Variants in SULT4A1 observed in about 807,000 individuals in gnomAD.
The protein encoded by SULT4A1 is sulfotransferase 4A1.
Under a neutral mutation model 35.2 loss-of-function variants are expected in SULT4A1, and 11 were observed. That is an observed-to-expected ratio of 0.31 (90% CI 0.20 to 0.52). The LOEUF is 0.52. Ranked by LOEUF, SULT4A1 falls within the 20% of genes least tolerant of loss-of-function variation. The pLI is 0.97. For missense variants in SULT4A1, 271 were observed against 383.7 expected (o/e 0.71, Z 2.45); for synonymous variants, 152 against 151.8 (o/e 1.00, Z -0.01).
At chr22:43,843,388 C>A (rs1324604212) in intron 1 of SULT4A1, among the ~76,000 whole-genome samples, 1 of 152,244 alleles carries the variant, frequency 6.6e-6, no homozygotes, top group African/African-American at 2.4e-5. Context: ...CACCACTGCA[C>A]TCCAGCCTGG....
chr22:43,839,929 G>A lies in SULT4A1; in HGVS notation c.381+16C>T. On this transcript the variant is annotated intron_variant, in intron 3 of 6. Coordinates refer to ENST00000330884, the MANE Select transcript of SULT4A1 (RefSeq NM_014351.4). Reference sequence around the variant, plus strand: ...GTGGGGACTCATCTCGGGAGGCAGAGGAGGTGCCAGCTTACCTTGGAGTCT... The same window carrying A: ...GTGGGGACTCATCTCGGGAGGCAGAAGAGGTGCCAGCTTACCTTGGAGTCT... 6.3e-7 allele frequency: 1 copy of A among 1,598,766 alleles called. No individual in the cohort carries two copies. The highest frequency in any genetic ancestry group is 8.5e-7 in the Non-Finnish European group (1 of 1,172,570).
intron 1 of SULT4A1, among the ~76,000 whole-genome samples, chr22:43,844,425 G>A (rs12160050): frequency 6.6e-6 from 1 of 152,162 alleles, no homozygotes; most frequent in Non-Finnish European, 1.5e-5. Context: ...GAGACCTATG[G>A]ACCAATTCTC....
Position 43,862,513 on chromosome 22 carries a change from C to T in SULT4A1, c.-131G>A. The stretch of plus-strand genomic sequence containing the variant: ...CGCGGCGGCAGCTCCGCAGGCGTGA[C>T]GTCATGGCGCCGCCGACGCGCGGCG... On this transcript the variant is annotated 5_prime_UTR_variant, in exon 1 of 7. Coordinates refer to ENST00000330884, the MANE Select transcript of SULT4A1 (RefSeq NM_014351.4). 1.2e-6 allele frequency: 1 copy of T among 847,424 alleles called. No individual in the cohort carries two copies. Among genetic ancestry groups the T allele is most frequent in the Non-Finnish European group, 1.4e-6 (1 of 706,806 alleles). 52.5% of individuals were successfully genotyped at this position (847,424 alleles called of 1,614,324 possible).
intron 6 of SULT4A1, chr22:43,826,710 G>A: frequency 1.0e-6 from 1 of 985,470 alleles, no homozygotes; most frequent in Non-Finnish European, 1.2e-6. Context: ...ATTTCAAGAA[G>A]CCTGCCCTGG....
chr22:43,827,782 C>CACAT, intron 6 of SULT4A1: 1 of 437,040 alleles, frequency 2.3e-6, no homozygotes, highest in Non-Finnish European at 4.2e-6. Context: ...CACACACACA[C>CACAT]GTGAACCAAA....
At chr22:43,855,162 C>T (rs2049388916) in intron 1 of SULT4A1, among the ~76,000 whole-genome samples, 1 of 152,330 alleles carries the variant, frequency 6.6e-6, no homozygotes, top group East Asian at 1.9e-4. Flanking sequence ...CCGGGGCTGG[C>T]ACCACCCAAA....
chr22:43,845,954 G>A (rs981930536), intron 1 of SULT4A1, among the ~76,000 whole-genome samples: 2 of 152,144 alleles, frequency 1.3e-5, no homozygotes, highest in African/African-American at 4.8e-5. Context: ...ACCACTCCCT[G>A]GTGCCAAAAA....
At chr22:43,828,904 C>A in intron 6 of SULT4A1, 156 bp downstream of exon 6, 1 of 794,264 alleles carries the variant, frequency 1.3e-6, no homozygotes, top group East Asian at 3.0e-5. Flanking sequence ...CCATGGGCAC[C>A]AGCTAACAGA....
intron 1 of SULT4A1, among the ~76,000 whole-genome samples, chr22:43,850,278 C>T (rs2063502547): frequency 6.6e-6 from 1 of 152,180 alleles, no homozygotes; most frequent in African/African-American, 2.4e-5. Context: ...TAATGATTTT[C>T]GACTACGAAA....
chr22:43,825,913 G>A lies in SULT4A1; in HGVS notation c.*88C>T. ...GTTTCACACGCTGCTTCCAGAGTTTGTCCAGCAAGGAATAAATGAATGCAT... is the reference window on the plus strand; with the variant it reads ...GTTTCACACGCTGCTTCCAGAGTTTATCCAGCAAGGAATAAATGAATGCAT... On this transcript the variant is annotated 3_prime_UTR_variant, in exon 7 of 7. Transcript: ENST00000330884. 7.6e-7 allele frequency: 1 copy of A among 1,315,970 alleles called. No individual in the cohort carries two copies. The highest frequency in any genetic ancestry group is 1.1e-6 in the Non-Finnish European group (1 of 933,206). The allele number at this position is 1,315,970 out of a possible 1,614,324, so 81.5% of individuals were successfully genotyped here.
intron 1 of SULT4A1, among the ~76,000 whole-genome samples, chr22:43,858,392 C>T (rs1003916392): frequency 2.3e-4 from 35 of 152,300 alleles, no homozygotes; most frequent in Non-Finnish European, 4.7e-4. Flanking sequence ...ACGTGACCCC[C>T]GCAGACCCAG....
rs149191199 is a variant in SULT4A1, at chr22:43,828,305, G to C, written c.742+755C>G. Among the ~76,000 whole-genome samples, 299 of 152,372 alleles carry C rather than the reference G, an allele frequency of 2.0e-3. 4 individuals are homozygous for C. Among genetic ancestry groups the C allele is most frequent in the African/African-American group, 6.9e-3 (288 of 41,584 alleles). ...GCCAAGGCCAGCACCCTGGGATTCAGGGGTTTTAGAGCCTGGGCTCTCCAT... is the reference window on the plus strand; with the variant it reads ...GCCAAGGCCAGCACCCTGGGATTCACGGGTTTTAGAGCCTGGGCTCTCCAT... On this transcript the variant is annotated intron_variant, in intron 6 of 6. Transcript: ENST00000330884.
In SULT4A1 at chr22:43,862,462, C is replaced by CGCGCCCG. The variant is rs1443164188; in HGVS notation, c.-81_-80insCGGGCGC. The CGCGCCCG allele has an allele frequency of 3.5e-3, 3,226 of 918,494 alleles. 10 individuals are homozygous for CGCGCCCG. The highest frequency in any genetic ancestry group is 4.0e-3 in the Non-Finnish European group (3,084 of 772,432). The allele number at this position is 918,494 out of a possible 1,614,324, so 56.9% of individuals were successfully genotyped here. Reference sequence around the variant, plus strand: ...CCGCGCCCGCGCCCGCGCCCGCGCCCCGCACACGCTCGCGCCCCACCGGCG... The same window carrying CGCGCCCG: ...CCGCGCCCGCGCCCGCGCCCGCGCCCGCGCCCGCGCACACGCTCGCGCCCCACCGGCG... On this transcript the variant is annotated 5_prime_UTR_variant, in exon 1 of 7. Transcript: ENST00000330884.
chr22:43,858,488 G>T (rs963995553), intron 1 of SULT4A1, among the ~76,000 whole-genome samples: 20 of 152,158 alleles, frequency 1.3e-4, no homozygotes, highest in African/African-American at 4.6e-4. Flanking sequence ...GGATGAGGGA[G>T]CAAGAGGAGA....
intron 6 of SULT4A1, chr22:43,827,357 T>C (rs2063294688): frequency 1.0e-6 from 1 of 985,230 alleles, no homozygotes; most frequent in Non-Finnish European, 1.2e-6. Flanking sequence ...AACAAAAAAT[T>C]ATCAGTGTTG....
chr22:43,847,612 C>G (rs2063484993), intron 1 of SULT4A1, among the ~76,000 whole-genome samples: 1 of 152,038 alleles, frequency 6.6e-6, no homozygotes, highest in Non-Finnish European at 1.5e-5. Context: ...AGCCTCCCAC[C>G]CCCTTCCAAG....
At chr22:43,861,561 CA>C (rs777335635) in intron 1 of SULT4A1, among the ~76,000 whole-genome samples, 3 of 152,196 alleles carry the variant, frequency 2.0e-5, no homozygotes, top group Non-Finnish European at 4.4e-5. Context: ...TGGGAATGAC[CA>C]CCACTAGCTC....
In SULT4A1 at chr22:43,835,831, G is replaced by A. The variant is rs554561231; in HGVS notation, c.509-2097C>T. 3.5e-4 allele frequency among the ~76,000 whole-genome samples: 53 copies of A among 152,354 alleles called. 1 individual carries two copies. In the South Asian group the frequency reaches 0.01, roughly 30 times the overall value. On this transcript the variant is annotated intron_variant, in intron 4 of 6. Transcript: ENST00000330884. ...GAGGACTCTGGAAGGAGCAAGGCAT[G>A]AAGGACTGCACGTGTGGTCCTGCGC...
chr22:43,831,498 A>T (rs551082476), intron 5 of SULT4A1, among the ~76,000 whole-genome samples: 2 of 152,314 alleles, frequency 1.3e-5, no homozygotes, highest in East Asian at 3.9e-4. Context: ...GCTGACGTCC[A>T]CCAAGACTCC....
Sources: allele counts gnomAD v4.1 joint callset (sites outside exome capture counted in the v4.1 genomes callset), GRCh38; gene constraint gnomAD v4.1.1; transcripts MANE v1.5; gene names NCBI Gene and HGNC (gene_info 2026-07-23, HGNC 2026-07-21).